Variants in HTR2A observed in about 807,000 individuals in gnomAD.
HTR2A encodes the protein 5-hydroxytryptamine receptor 2A.
Under a neutral mutation model 31.0 loss-of-function variants are expected in HTR2A, and 14 were observed. That is an observed-to-expected ratio of 0.45 (90% CI 0.30 to 0.71). The LOEUF (loss-of-function observed/expected upper bound fraction) is 0.71, where lower values mean the gene tolerates loss of function less well. Among genes scored for constraint, HTR2A ranks in the 30% least tolerant of loss-of-function variants. The pLI is 0.09. For synonymous variants in HTR2A, 209 were observed against 225.2 expected (o/e 0.93, Z 0.64); for missense variants, 442 against 573.3 (o/e 0.77, Z 2.34).
intron 3 of HTR2A, among the ~76,000 whole-genome samples, chr13:46,886,390 T>C (rs1178856767): frequency 6.6e-6 from 1 of 152,050 alleles, no homozygotes; most frequent in Non-Finnish European, 1.5e-5. Context: ...AAATATAAGA[T>C]GGAAGGGCTA....
chr13:46,893,410 A>G (rs1951070750), intron 2 of HTR2A, among the ~76,000 whole-genome samples: 1 of 152,192 alleles, frequency 6.6e-6, no homozygotes, highest in African/African-American at 2.4e-5. Flanking sequence ...GGTGATGCTG[A>G]TGCTGCTGGT....
In HTR2A at chr13:46,861,387, T is replaced by G. The variant is rs535474092; in HGVS notation, c.614-25748A>C. 1.6e-4 allele frequency among the ~76,000 whole-genome samples: 25 copies of G among 152,332 alleles called. No homozygotes were observed. In the East Asian group the frequency reaches 4.6e-3, roughly 28 times the overall value. On this transcript the variant is annotated intron_variant, in intron 3 of 3. Coordinates refer to ENST00000542664, the MANE Select transcript of HTR2A (RefSeq NM_000621.5). Reference sequence around the variant, plus strand: ...CTTCCCTTATCCTCAGAGCCATTATTAATTTCCATTACCTTCAGACATGAC... The same window carrying G: ...CTTCCCTTATCCTCAGAGCCATTATGAATTTCCATTACCTTCAGACATGAC...
intron 3 of HTR2A, among the ~76,000 whole-genome samples, chr13:46,889,222 TA>T (rs1951031721): frequency 1.3e-5 from 2 of 152,126 alleles, no homozygotes; most frequent in Non-Finnish European, 2.9e-5. Context: ...AAATAGATTT[TA>T]AATCAAGAAG....
intron 2 of HTR2A, among the ~76,000 whole-genome samples, chr13:46,894,274 C>T (rs2138258283): frequency 6.6e-6 from 1 of 152,234 alleles, no homozygotes; most frequent in East Asian, 1.9e-4. Context: ...CGGGTGACGC[C>T]GGGGGTCACC....
intron 3 of HTR2A, among the ~76,000 whole-genome samples, chr13:46,863,630 G>GAAAAAAAAAAAAAAAAAAAAT (rs59693757): frequency 1.7e-5 from 1 of 59,254 alleles, no homozygotes; most frequent in Non-Finnish European, 2.9e-5. Context: ...CCCTCAAAAT[G>GAAAAAAAAAAAAAAAAAAAAT]AAAAAAAAAA....
rs1951109493 is a variant in HTR2A, at chr13:46,896,852, C to T, written c.-507G>A. The T allele has an allele frequency of 6.5e-7, 1 of 1,536,036 alleles. No homozygotes were observed. The highest frequency in any genetic ancestry group is 2.4e-5 in the East Asian group (1 of 40,840). ...ACTGCATGCAAGAGCTGAGCCAGCT[C>T]CCGCACTGCTAGGATCCTGTTGGCT... is the stretch of plus-strand genomic sequence containing the variant. On this transcript the variant is annotated 5_prime_UTR_variant, in exon 1 of 4. Transcript: ENST00000542664.
At chr13:46,892,968 C>T (rs1479104886) in intron 2 of HTR2A, among the ~76,000 whole-genome samples, 1 of 152,174 alleles carries the variant, frequency 6.6e-6, no homozygotes, top group African/African-American at 2.4e-5. Flanking sequence ...ACTGTACTGT[C>T]AGGATTTAGT....
chr13:46,833,329 C>A lies in HTR2A; in HGVS notation c.*1508G>T, dbSNP rs181176511. On this transcript the variant is annotated 3_prime_UTR_variant, in exon 4 of 4. Transcript: ENST00000542664. ...AAATAAGTCTGTATATATTTTTTGA[C>A]TAAGACCATTTCAGTTTAGTCATTT... 1.3e-5 allele frequency: 2 copies of A among 152,164 alleles called. No homozygotes were observed. The highest frequency in any genetic ancestry group is 1.5e-5 in the Non-Finnish European group (1 of 68,000). The allele number at this position is 152,164 out of a possible 1,614,324, so 9.4% of individuals were successfully genotyped here.
chr13:46,836,456 C>T (rs1316972999), intron 3 of HTR2A, among the ~76,000 whole-genome samples: 2 of 152,128 alleles, frequency 1.3e-5, no homozygotes, highest in Non-Finnish European at 2.9e-5. Flanking sequence ...TGTTTTAGAT[C>T]TTCCTATTCC....
Position 46,858,018 on chromosome 13 carries a change from A to G in HTR2A, c.614-22379T>C, listed in dbSNP as rs536718735. On this transcript the variant is annotated intron_variant, in intron 3 of 3. Transcript: ENST00000542664. Reference sequence around the variant, plus strand: ...GTAAGCAAGGTGGGAAATGAGAAACATTGCCACTGGGGACAAAAGTGGGGG... The same window carrying G: ...GTAAGCAAGGTGGGAAATGAGAAACGTTGCCACTGGGGACAAAAGTGGGGG... Among the ~76,000 whole-genome samples the G allele has an allele frequency of 9.2e-5, 14 of 152,290 alleles. No homozygotes were observed. In the East Asian group the frequency reaches 2.7e-3, roughly 29 times the overall value.
chr13:46,884,829 T>TAC (rs35735410), intron 3 of HTR2A, among the ~76,000 whole-genome samples: 4 of 151,572 alleles, frequency 2.6e-5, no homozygotes, highest in Non-Finnish European at 5.9e-5. Context: ...TATGTATACA[T>TAC]ATATATATAT....
intron 3 of HTR2A, among the ~76,000 whole-genome samples, chr13:46,880,862 G>A (rs555128743): frequency 1.3e-5 from 2 of 151,680 alleles, no homozygotes; most frequent in African/African-American, 4.8e-5. Flanking sequence ...AAAAAAAGAA[G>A]GCACCTCTTT....
At chr13:46,888,097 A>AT (rs1951022816) in intron 3 of HTR2A, among the ~76,000 whole-genome samples, 1 of 151,546 alleles carries the variant, frequency 6.6e-6, no homozygotes, top group South Asian at 2.1e-4. Context: ...AAAAAAAAAA[A>AT]TGTAGAAGTG....
At chr13:46,855,295 T>A (rs1950725901) in intron 3 of HTR2A, among the ~76,000 whole-genome samples, 5 of 152,214 alleles carry the variant, frequency 3.3e-5, no homozygotes, top group Admixed American at 1.3e-4. Flanking sequence ...TATAGATTGC[T>A]CAAACTCAAG....
intron 3 of HTR2A, chr13:46,854,120 C>A (rs575952912): frequency 6.6e-6 from 1 of 152,242 alleles, no homozygotes; most frequent in South Asian, 2.1e-4. Context: ...AGCAGGGGGA[C>A]CAGCACAGTG....
chr13:46,892,423 G>A lies in HTR2A; in HGVS notation c.580C>T (p.Leu194=). Residue 194 remains leucine, a synonymous_variant, in exon 3 of 4, where the codon CTG becomes TTG. Transcript: ENST00000542664. ...ATGGTCCAAACAGCAATGATTTTCA[G>A]AAATGCCTTAGTTCTGGAGTTGAAG... ...SRFNSRTKAF[L]KIIAVWTISV... is the part of the protein sequence containing the mutation. 6.2e-7 allele frequency: 1 copy of A among 1,614,256 alleles called. No individual in the cohort carries two copies. Among genetic ancestry groups the A allele is most frequent in the African/African-American group, 1.3e-5 (1 of 75,076 alleles).
At chr13:46,865,425 G>C (rs1394770937) in intron 3 of HTR2A, among the ~76,000 whole-genome samples, 1 of 57,714 alleles carries the variant, frequency 1.7e-5, no homozygotes, top group East Asian at 5.6e-4. Flanking sequence ...ATGACTCAAA[G>C]TTCATCAACA....
intron 3 of HTR2A, among the ~76,000 whole-genome samples, chr13:46,890,668 G>A (rs1951045886): frequency 6.6e-6 from 1 of 152,144 alleles, no homozygotes; most frequent in South Asian, 2.1e-4. Flanking sequence ...GAGTCAGTGT[G>A]GCTGAGGAAA....
At chr13:46,876,402 ATATTTTTT>A (rs1482050792) in intron 3 of HTR2A, among the ~76,000 whole-genome samples, 117 of 78,498 alleles carry the variant, frequency 1.5e-3, no homozygotes, top group African/African-American at 5.2e-3. Context: ...ATATATATAT[ATATTTTTT>A]TTTTTTTTTT....
Sources: allele counts gnomAD v4.1 joint callset (sites outside exome capture counted in the v4.1 genomes callset), GRCh38; gene constraint gnomAD v4.1.1; transcripts MANE v1.5; gene names NCBI Gene and HGNC (gene_info 2026-07-23, HGNC 2026-07-21).